Variants in TANC1 observed in about 807,000 individuals in gnomAD.
TANC1 encodes protein TANC1.
Under a neutral mutation model 149.7 loss-of-function variants are expected in TANC1, and 77 were observed. The observed-to-expected ratio is 0.51, with a 90% CI of 0.43 to 0.62. The LOEUF is 0.62. TANC1 is among the 20% of genes least tolerant of loss of function. The probability of loss-of-function intolerance (pLI) is 0.00; values close to 1 mark genes in which losing one functional copy is unlikely to be tolerated. For missense variants in TANC1, 1,985 were observed against 2,321.8 expected (o/e 0.85, Z 2.98); for synonymous variants, 854 against 925.0 (o/e 0.92, Z 1.39).
intron 1 of TANC1, among the ~76,000 whole-genome samples, chr2:158,997,809 G>A (rs756393590): frequency 1.3e-5 from 2 of 152,188 alleles, no homozygotes; most frequent in Non-Finnish European, 2.9e-5. Context: ...TTCGAGTAAT[G>A]TTTGCAGATA....
intron 1 of TANC1, among the ~76,000 whole-genome samples, chr2:158,992,086 G>A (rs2035688599): frequency 6.6e-6 from 1 of 152,072 alleles, no homozygotes; most frequent in Non-Finnish European, 1.5e-5. Flanking sequence ...GTTTAGGCTG[G>A]GTGTGGTGGC....
Position 159,143,076 on chromosome 2 carries a change from A to AAC in TANC1, c.365-6065_365-6064insCA, listed in dbSNP as rs1293991033. On this transcript the variant is annotated intron_variant, in intron 5 of 26. Transcript: ENST00000263635. ...AGACTCTGTCTCAAAAAAAAAAAAA[A>AAC]AACAACAAAACAAAACAAAAAAAAA... 1.9e-4 allele frequency among the ~76,000 whole-genome samples: 10 copies of AAC among 52,548 alleles called. No homozygotes were observed. In the East Asian group the frequency reaches 6.8e-3, roughly 36 times the overall value. 34.5% of individuals were successfully genotyped at this position (52,548 alleles called of 152,430 possible).
chr2:159,228,031 C>G, intron 25 of TANC1, 66 bp downstream of exon 25: 1 of 1,532,326 alleles, frequency 6.5e-7, no homozygotes, highest in Non-Finnish European at 8.9e-7. Flanking sequence ...GCAGTGAAGG[C>G]CAGCCCTTCT....
chr2:159,008,381 T>A (rs1193462329), intron 2 of TANC1, among the ~76,000 whole-genome samples: 1 of 152,184 alleles, frequency 6.6e-6, no homozygotes, highest in South Asian at 2.1e-4. Context: ...TATTTGGAAA[T>A]TGTTGGTGAC....
chr2:159,084,988 G>A (rs144529373), intron 3 of TANC1, among the ~76,000 whole-genome samples: 16 of 152,240 alleles, frequency 1.1e-4, no homozygotes, highest in South Asian at 4.1e-4. Context: ...GCAGCAAGGG[G>A]GCAATGACAG....
intron 2 of TANC1, chr2:159,056,606 CG>C: frequency 6.3e-6 from 1 of 157,828 alleles, no homozygotes; most frequent in Non-Finnish European, 1.4e-5. Context: ...TGAGCCACTG[CG>C]CCTGGCCAGG....
intron 3 of TANC1, among the ~76,000 whole-genome samples, chr2:159,075,425 A>G (rs2043573469): frequency 1.3e-5 from 2 of 151,570 alleles, no homozygotes; most frequent in Non-Finnish European, 2.9e-5. Flanking sequence ...ACAAAAAAAA[A>G]ACTGGCCAGG....
Position 159,170,600 on chromosome 2 carries a change from C to G in TANC1, c.1146C>G (p.Asp382Glu). Residue 382 changes from aspartate to glutamate, a missense_variant, in exon 10 of 27, where the codon GAC (aspartate) becomes GAG (glutamate). Physicochemically the swap from Asp to Glu is conservative, Grantham distance 45. Around this residue, in one of 3 missense-constraint regions of TANC1, gnomAD observed 557 missense variants for 612.9 expected, o/e 0.91. Transcript: ENST00000263635. ...TTGAAGTACCAAGCATAACAACAGACTCTGTGTTTGTGGGAAGGGATTGGC... is the reference window on the plus strand; with the variant it reads ...TTGAAGTACCAAGCATAACAACAGAGTCTGTGTTTGTGGGAAGGGATTGGC... The part of the protein sequence containing the change: ...LLFEVPSITT[D>E]SVFVGRDWLF... The G allele has an allele frequency of 6.2e-7, 1 of 1,614,136 alleles. No individual in the cohort carries two copies. The highest frequency in any genetic ancestry group is 8.5e-7 in the Non-Finnish European group (1 of 1,179,992).
At chr2:158,972,801 A>C (rs2033092332) in intron 1 of TANC1, among the ~76,000 whole-genome samples, 1 of 152,230 alleles carries the variant, frequency 6.6e-6, no homozygotes, top group South Asian at 2.1e-4. Flanking sequence ...AGAAGAGAAC[A>C]TTATGAAGTG....
Position 159,144,398 on chromosome 2 carries a change from C to T in TANC1, c.365-4744C>T, listed in dbSNP as rs147305429. On this transcript the variant is annotated intron_variant, in intron 5 of 26. Coordinates refer to ENST00000263635, the MANE Select transcript of TANC1 (RefSeq NM_033394.3). ...CCTTTTTATTTTTATTTTTCTGAGACGGAGTCTCGCTCTGTCTCTCAGGCT... is the reference window on the plus strand; with the variant it reads ...CCTTTTTATTTTTATTTTTCTGAGATGGAGTCTCGCTCTGTCTCTCAGGCT... 2.2e-4 allele frequency among the ~76,000 whole-genome samples: 33 copies of T among 152,218 alleles called. No homozygotes were observed. In the East Asian group the frequency reaches 5.6e-3, roughly 26 times the overall value.
Position 159,103,457 on chromosome 2 carries a change from T to A in TANC1, c.259+5623T>A, listed in dbSNP as rs1461360909. On this transcript the variant is annotated intron_variant, in intron 4 of 26. Coordinates refer to ENST00000263635, the MANE Select transcript of TANC1 (RefSeq NM_033394.3). ...TTTGTGCGGCCTAACTGTGGACTAC[T>A]GACAATTTTAAGAGGCTGAGACGTC... Among the ~76,000 whole-genome samples the A allele has an allele frequency of 2.1e-5, 2 of 96,650 alleles. 1 individual carries two copies. Among genetic ancestry groups the A allele is most frequent in the Non-Finnish European group, 5.8e-5 (2 of 34,576 alleles). 63.4% of individuals were successfully genotyped at this position (96,650 alleles called of 152,430 possible).
intron 5 of TANC1, among the ~76,000 whole-genome samples, chr2:159,136,895 A>G (rs12612047): frequency 0.66 from 100,128 of 151,862 alleles, 34,209 homozygotes; most frequent in East Asian, 0.91. Flanking sequence ...AATTTGCAGC[A>G]TTTAACAGAT....
At chr2:159,125,229 G>T (rs2049306832) in intron 4 of TANC1, among the ~76,000 whole-genome samples, 1 of 152,188 alleles carries the variant, frequency 6.6e-6, no homozygotes, top group African/African-American at 2.4e-5. Flanking sequence ...TATACGCCTG[G>T]TGAGGCTCCA....
intron 19 of TANC1, among the ~76,000 whole-genome samples, chr2:159,206,441 C>T (rs1442745373): frequency 1.3e-5 from 2 of 152,190 alleles, no homozygotes; most frequent in African/African-American, 4.8e-5. Context: ...GTCAGGTCAG[C>T]ATGTCCCCGC....
chr2:159,181,187 C>G (rs1413402331), intron 14 of TANC1, among the ~76,000 whole-genome samples: 1 of 152,128 alleles, frequency 6.6e-6, no homozygotes, highest in Non-Finnish European at 1.5e-5. Flanking sequence ...TCACGGGCAC[C>G]TTACTAAGCT....
intron 3 of TANC1, among the ~76,000 whole-genome samples, chr2:159,073,164 A>C (rs1259796657): frequency 6.6e-6 from 1 of 152,224 alleles, no homozygotes; most frequent in Non-Finnish European, 1.5e-5. Context: ...TTATCTCAAC[A>C]CATCCTTTGT....
At chr2:159,143,604 A>G (rs1014795184) in intron 5 of TANC1, among the ~76,000 whole-genome samples, 1 of 146,220 alleles carries the variant, frequency 6.8e-6, no homozygotes, top group African/African-American at 2.5e-5. Context: ...CTGATTGTCA[A>G]GTTTTGGCTG....
chr2:159,043,204 A>G (rs1227477211), intron 2 of TANC1, among the ~76,000 whole-genome samples: 3 of 152,172 alleles, frequency 2.0e-5, no homozygotes, highest in South Asian at 2.1e-4. Flanking sequence ...TGGGGAGGTC[A>G]GAGCTGGTGT....
At chr2:159,043,122 CT>C (rs2040783206) in intron 2 of TANC1, among the ~76,000 whole-genome samples, 1 of 152,188 alleles carries the variant, frequency 6.6e-6, no homozygotes, top group Non-Finnish European at 1.5e-5. Context: ...TCCCCGGTCA[CT>C]CTGCTTTTAC....
Sources: allele counts gnomAD v4.1 joint callset (sites outside exome capture counted in the v4.1 genomes callset), GRCh38; gene constraint gnomAD v4.1.1; regional missense constraint gnomAD v4.1.1; transcripts MANE v1.5; gene names NCBI Gene and HGNC (gene_info 2026-07-23, HGNC 2026-07-21).